The following CIMIP5 variants were observed in gnomAD, a reference collection of about 807,000 sequenced individuals.
CIMIP5 encodes ciliary microtubule inner protein 5, also known as uncharacterized protein C2orf50.
chr2:11,134,305 G>T, the CIMIP5 span, among the ~76,000 whole-genome samples: 1 of 152,156 alleles, frequency 6.6e-6, no homozygotes, highest in Non-Finnish European at 1.5e-5. Flanking sequence ...AGCAGCGGGG[G>T]CCACCCCAGC....
chr2:11,143,677 G>A, the CIMIP5 span, among the ~76,000 whole-genome samples: 16 of 152,072 alleles, frequency 1.1e-4, no homozygotes, highest in Admixed American at 3.9e-4. Context: ...TCTGCAGGTC[G>A]CAGCATGAAA....
At chr2:11,149,551 CA>C in the CIMIP5 span, among the ~76,000 whole-genome samples, 6 of 151,854 alleles carry the variant, frequency 4.0e-5, no homozygotes, top group African/African-American at 1.5e-4. Context: ...GCTAAAAATA[CA>C]AAAAATTAGC....
the CIMIP5 span, chr2:11,146,764 T>C: frequency 1.3e-5 from 2 of 152,116 alleles, no homozygotes; most frequent in African/African-American, 4.8e-5. Flanking sequence ...TGGGTAAAGG[T>C]CAGTGGCCAG....
chr2:11,135,036 G>A, the CIMIP5 span, among the ~76,000 whole-genome samples: 2 of 152,038 alleles, frequency 1.3e-5, no homozygotes, highest in Non-Finnish European at 2.9e-5. Context: ...AGAGAGAGGA[G>A]GTGTCAGGTT....
the CIMIP5 span, among the ~76,000 whole-genome samples, chr2:11,142,408 G>A: frequency 1.3e-5 from 2 of 152,164 alleles, no homozygotes; most frequent in East Asian, 3.8e-4. Flanking sequence ...TGGACCTGCT[G>A]GACTTGTTGC....
At chr2:11,140,398 A>G in the CIMIP5 span, 1 of 542,080 alleles carries the variant, frequency 1.8e-6, no homozygotes, top group East Asian at 3.7e-5. Context: ...AAAAAAAAAA[A>G]TTATTTAGTT....
chr2:11,138,399 G>A, the CIMIP5 span, among the ~76,000 whole-genome samples: 4 of 152,122 alleles, frequency 2.6e-5, no homozygotes, highest in South Asian at 2.1e-4. Context: ...GAATCAAAAC[G>A]ATACATATCA....
At chr2:11,140,415 C>T in the CIMIP5 span, 14 of 719,026 alleles carry the variant, frequency 1.9e-5, no homozygotes, top group African/African-American at 1.8e-4. Context: ...AGTTCTTCCA[C>T]GTGATACATT....
chr2:11,138,535 C>T, the CIMIP5 span, among the ~76,000 whole-genome samples: 6 of 152,258 alleles, frequency 3.9e-5, no homozygotes, highest in Non-Finnish European at 1.5e-5. Context: ...TATTAAGAAA[C>T]AGCAGTGGAT....
chr2:11,148,729 AC>A, the CIMIP5 span, among the ~76,000 whole-genome samples: 2 of 101,516 alleles, frequency 2.0e-5, no homozygotes, highest in Admixed American at 1.2e-4. Context: ...ACTAATGAAA[AC>A]TCTTTTTTTT....
At chr2:11,133,450 G>A in the CIMIP5 span, 4 of 1,610,392 alleles carry the variant, frequency 2.5e-6, no homozygotes, top group South Asian at 4.4e-5. Context: ...CCTATGGCCA[G>A]CAGGGGTCTT....
the CIMIP5 span, among the ~76,000 whole-genome samples, chr2:11,139,316 T>A: frequency 1.3e-5 from 2 of 152,212 alleles, no homozygotes; most frequent in African/African-American, 4.8e-5. Flanking sequence ...AAAATATGGA[T>A]GCAAAGGCCT....
the CIMIP5 span, among the ~76,000 whole-genome samples, chr2:11,148,007 C>T: frequency 6.6e-6 from 1 of 152,076 alleles, no homozygotes; most frequent in East Asian, 1.9e-4. Context: ...GGGGCATTAC[C>T]TATAAAGAGA....
At chr2:11,139,083 A>G in the CIMIP5 span, among the ~76,000 whole-genome samples, 1 of 151,826 alleles carries the variant, frequency 6.6e-6, no homozygotes, top group Admixed American at 6.6e-5. Context: ...ATGCCCGGCT[A>G]ATTTTTGTAT....
the CIMIP5 span, among the ~76,000 whole-genome samples, chr2:11,154,001 G>C: frequency 6.6e-6 from 1 of 151,974 alleles, no homozygotes; most frequent in East Asian, 1.9e-4. Context: ...TTTTGAGACA[G>C]GGTCTGGCTC....
At chr2:11,138,124 G>A in the CIMIP5 span, among the ~76,000 whole-genome samples, 17 of 152,352 alleles carry the variant, frequency 1.1e-4, no homozygotes, top group South Asian at 2.1e-4. Context: ...GATTACAGGC[G>A]TGAGCCACCG....
At chr2:11,148,069 G>A in the CIMIP5 span, among the ~76,000 whole-genome samples, 1 of 151,948 alleles carries the variant, frequency 6.6e-6, no homozygotes, top group Non-Finnish European at 1.5e-5. Context: ...AGGAAAGGAA[G>A]AATCAAGACC....
chr2:11,144,056 T>G, the CIMIP5 span: 1 of 1,601,958 alleles, frequency 6.2e-7, no homozygotes, highest in South Asian at 1.1e-5. Context: ...ATGGACTTCT[T>G]CTTCACAGAA....
chr2:11,136,010 C>T, the CIMIP5 span, among the ~76,000 whole-genome samples: 2 of 152,156 alleles, frequency 1.3e-5, no homozygotes, highest in African/African-American at 4.8e-5. Flanking sequence ...GTAGAAGTTC[C>T]TTATATATTT....
Sources: gnomAD v4.1 joint callset for allele counts (sites outside exome capture counted in the v4.1 genomes callset) on GRCh38, gnomAD v4.1.1 for gene constraint, MANE v1.5 for transcripts, NCBI Gene and HGNC (gene_info 2026-07-23, HGNC 2026-07-21) for gene names.